The following GDA variants were observed in gnomAD, a reference collection of about 807,000 sequenced individuals.
GDA encodes the protein guanine deaminase.
Under a neutral mutation model 59.6 loss-of-function variants are expected in GDA, and 18 were observed. The observed-to-expected ratio is 0.30, with a 90% CI of 0.21 to 0.45. The LOEUF (loss-of-function observed/expected upper bound fraction) is 0.45. GDA is among the 20% of genes least tolerant of loss of function. The pLI is 1.00. For synonymous variants in GDA, 201 were observed against 201.1 expected, an observed-to-expected ratio of 1.00 and a Z score of 0.00; for missense variants, 427 against 552.3, an observed-to-expected ratio of 0.77 and a Z score of 2.27.
intron 1 of GDA, among the ~76,000 whole-genome samples, chr9:72,179,113 G>A (rs1490511136): frequency 3.3e-5 from 5 of 152,140 alleles, no homozygotes; most frequent in Non-Finnish European, 7.4e-5. Flanking sequence ...CTTTTAAGTA[G>A]GAATATATAG....
downstream of GDA, among the ~76,000 whole-genome samples, chr9:72,255,888 A>G (rs991887464): frequency 1.3e-5 from 2 of 152,206 alleles, no homozygotes; most frequent in South Asian, 4.1e-4. Context: ...TTATGGGGGA[A>G]ACTCATGATG....
chr9:72,222,650 C>T (rs1837034059), intron 6 of GDA, among the ~76,000 whole-genome samples: 1 of 151,932 alleles, frequency 6.6e-6, no homozygotes. Context: ...TGCCTATGTC[C>T]TGAATGGTAT....
At chr9:72,248,153 A>G in intron 13 of GDA, 119 bp from the exon 14 acceptor site, 1 of 732,604 alleles carries the variant, frequency 1.4e-6, no homozygotes, top group South Asian at 1.6e-5. Flanking sequence ...GTTGGGGGAA[A>G]GCAGCTTTTA....
At chr9:72,125,312 T>TAC (rs1825806279) in intron 1 of GDA, among the ~76,000 whole-genome samples, 1 of 151,002 alleles carries the variant, frequency 6.6e-6, no homozygotes, top group Non-Finnish European at 1.5e-5. Context: ...CCTTCCTTCC[T>TAC]TCCTTTACTC....
chr9:72,236,119 A>G (rs11143186), intron 10 of GDA, among the ~76,000 whole-genome samples: 68,149 of 152,008 alleles, frequency 0.45, 15,412 homozygotes, highest in East Asian at 0.55. Context: ...GTACATCACT[A>G]TAATCATTTC....
intron 1 of GDA, among the ~76,000 whole-genome samples, chr9:72,135,234 G>A (rs1050200524): frequency 1.3e-5 from 2 of 151,978 alleles, no homozygotes; most frequent in East Asian, 3.9e-4. Context: ...GTGTGTGTGT[G>A]TGTGTGTGTG....
At chr9:72,213,261 C>T (rs891091402) in intron 4 of GDA, among the ~76,000 whole-genome samples, 4 of 151,868 alleles carry the variant, frequency 2.6e-5, no homozygotes, top group Non-Finnish European at 5.9e-5. Flanking sequence ...AGTGAGACTC[C>T]GTCTCAAAAA....
At chr9:72,220,441 C>T (rs527250046) in intron 6 of GDA, among the ~76,000 whole-genome samples, 12 of 152,294 alleles carry the variant, frequency 7.9e-5, no homozygotes, top group South Asian at 4.1e-4. Context: ...TCCCAAACCC[C>T]ATGCCTACAT....
chr9:72,134,197 A>T (rs1183000014), intron 1 of GDA, among the ~76,000 whole-genome samples: 1 of 152,132 alleles, frequency 6.6e-6, no homozygotes, highest in Non-Finnish European at 1.5e-5. Flanking sequence ...ATGGGCCTTG[A>T]ACTACTTGTC....
chr9:72,202,546 C>G, intron 2 of GDA, 25 bp from the exon 3 acceptor site: 1 of 1,460,728 alleles, frequency 6.8e-7, no homozygotes, highest in Non-Finnish European at 9.4e-7. Flanking sequence ...TTATTAAATA[C>G]TTTTATTCTC....
Position 72,241,209 on chromosome 9 carries a change from T to A in GDA, c.1046T>A (p.Val349Asp). ...GATGCAATCAGAAGAGCAGTGATGG[T>A]TTCCAATATCCTTTTAATTAATAAG... ...MLDAIRRAVM[V>D]SNILLINKVN... is the part of the protein sequence containing the mutation. Residue 349 changes from valine to aspartate, a missense_variant, in exon 11 of 14, where the codon GTT becomes GAT. Physicochemically the swap from Val to Asp is radical, Grantham distance 152. Coordinates refer to ENST00000358399, the MANE Select transcript of GDA (RefSeq NM_004293.5). 1 of 1,610,300 alleles carries A rather than the reference T, an allele frequency of 6.2e-7. No individual in the cohort carries two copies. Among genetic ancestry groups the A allele is most frequent in the Non-Finnish European group, 8.5e-7 (1 of 1,176,930 alleles).
chr9:72,196,961 C>A (rs948336595), intron 2 of GDA, among the ~76,000 whole-genome samples: 2 of 152,158 alleles, frequency 1.3e-5, no homozygotes, highest in African/African-American at 4.8e-5. Context: ...TATCTTGTTT[C>A]AGGCCAAGTA....
upstream of GDA, among the ~76,000 whole-genome samples, chr9:72,145,522 C>G (rs1281355821): frequency 6.6e-6 from 1 of 152,208 alleles, no homozygotes; most frequent in East Asian, 1.9e-4. Context: ...TTCAAACAGT[C>G]AGGTTCTATC....
chr9:72,176,718 AG>A (rs1379889225), intron 1 of GDA, among the ~76,000 whole-genome samples: 1 of 152,154 alleles, frequency 6.6e-6, no homozygotes, highest in Non-Finnish European at 1.5e-5. Flanking sequence ...CCATTATTAA[AG>A]CTAGTTCTGC....
intron 1 of GDA, among the ~76,000 whole-genome samples, chr9:72,120,392 C>T (rs1341057770): frequency 6.6e-6 from 1 of 152,122 alleles, no homozygotes; most frequent in Non-Finnish European, 1.5e-5. Flanking sequence ...CAAGCTTTCA[C>T]CATGTTGGCC....
At chr9:72,255,000 A>G (rs1840852987), downstream of GDA, among the ~76,000 whole-genome samples, 1 of 152,216 alleles carries the variant, frequency 6.6e-6, no homozygotes, top group Non-Finnish European at 1.5e-5. Flanking sequence ...GAAAGGCTTA[A>G]TTTATCAAAG....
intron 1 of GDA, among the ~76,000 whole-genome samples, chr9:72,177,371 C>T (rs1206265135): frequency 6.6e-6 from 1 of 152,088 alleles, no homozygotes. Context: ...GCTGGGATTA[C>T]AGGCGTGAGC....
chr9:72,243,024 T>C (rs1839792378), intron 11 of GDA, among the ~76,000 whole-genome samples: 1 of 152,222 alleles, frequency 6.6e-6, no homozygotes, highest in Admixed American at 6.5e-5. Flanking sequence ...TCATGGAATT[T>C]CTTTTCCTTA....
At chr9:72,226,497 A>T (rs1837603824) in intron 8 of GDA, among the ~76,000 whole-genome samples, 1 of 152,216 alleles carries the variant, frequency 6.6e-6, no homozygotes, top group Non-Finnish European at 1.5e-5. Context: ...GAGTGCTTTT[A>T]AAAAATGAGT....
Sources: allele counts gnomAD v4.1 joint callset (sites outside exome capture counted in the v4.1 genomes callset), GRCh38; gene constraint gnomAD v4.1.1; transcripts MANE v1.5; gene names NCBI Gene and HGNC (gene_info 2026-07-23, HGNC 2026-07-21).